DMD: variants seen among roughly 807,000 people sequenced by gnomAD.
DMD encodes dystrophin.
DMD carries 63 observed loss-of-function variants against 330.1 expected under a neutral mutation model. The observed-to-expected ratio is 0.19, with a 90% CI of 0.16 to 0.24. DMD has a LOEUF of 0.24. Among genes scored for constraint, DMD ranks in the 10% least tolerant of loss-of-function variants. DMD has a pLI of 1.00. For missense variants in DMD, 3,344 were observed against 2,684.1 expected (o/e 1.25, Z -5.43); for synonymous variants, 1,223 against 959.8 (o/e 1.27, Z -5.07).
In DMD at chrX:32,649,558, TTAAA is replaced by T. The variant is rs1461038040; in HGVS notation, c.961-4410_961-4407del. On this transcript the variant is annotated intron_variant, in intron 9 of 78. Transcript: ENST00000357033. ...GCAAAACAGCAAGACTCCGTCTCTT[TTAAA>T]AAAAAAAAAAAAAAAAAAAAAGGTG... Among the ~76,000 whole-genome samples the T allele has an allele frequency of 2.7e-4, 20 of 74,507 alleles. 1 individual carries two copies. Among genetic ancestry groups the T allele is most frequent in the African/African-American group, 1.7e-3 (19 of 10,919 alleles). 64.7% of individuals were successfully genotyped at this position (74,507 alleles called of 115,157 possible).
chrX:33,235,121 G>A (rs755075159), intron 1 of DMD, among the ~76,000 whole-genome samples: 1 of 112,008 alleles, frequency 8.9e-6, no homozygotes, highest in South Asian at 3.7e-4. Context: ...TTACGTTAAG[G>A]GATGGAGAAA....
At chrX:31,951,160 T>C (rs1335348517) in intron 45 of DMD, among the ~76,000 whole-genome samples, 6 of 63,788 alleles carry the variant, frequency 9.4e-5, no homozygotes, top group African/African-American at 5.0e-4. Context: ...TATATATATG[T>C]ATATATATAT....
chrX:31,807,281 G>A (rs757414514), intron 50 of DMD, among the ~76,000 whole-genome samples: 9 of 111,627 alleles, frequency 8.1e-5, no homozygotes, highest in Non-Finnish European at 1.3e-4. Flanking sequence ...AGGGAGTCGT[G>A]GTGCCCTTAA....
chrX:32,062,099 G>T (rs987113050), intron 44 of DMD, among the ~76,000 whole-genome samples: 1 of 110,784 alleles, frequency 9.0e-6, no homozygotes, highest in South Asian at 3.8e-4. Flanking sequence ...CACATATTCA[G>T]GGTCATTCAG....
intron 55 of DMD, among the ~76,000 whole-genome samples, chrX:31,549,503 C>T (rs1381535198): frequency 8.9e-6 from 1 of 111,933 alleles, no homozygotes; most frequent in Non-Finnish European, 1.9e-5. Flanking sequence ...TTTAACTCTG[C>T]TACTGTGTAT....
At chrX:31,605,963 C>T (rs1213579771) in intron 55 of DMD, among the ~76,000 whole-genome samples, 2 of 111,048 alleles carry the variant, frequency 1.8e-5, no homozygotes, top group Admixed American at 1.9e-4. Flanking sequence ...TGGCTGTGTC[C>T]CCACCCCACA....
chrX:31,134,788 C>T, intron 76 of DMD, among the ~76,000 whole-genome samples: 1 of 112,476 alleles, frequency 8.9e-6, no homozygotes, highest in East Asian at 2.8e-4. Context: ...ATGATAAATA[C>T]ATGAGATAAT....
chrX:32,739,876 C>G (rs187592561), intron 7 of DMD, among the ~76,000 whole-genome samples: 49 of 110,241 alleles, frequency 4.4e-4, no homozygotes, highest in Admixed American at 1.1e-3. Context: ...GGGTGGATCC[C>G]AACACTCCCT....
At position 32,595,811 on chromosome X, in the gene DMD, T is replaced by G. The variant is rs779579215; in HGVS notation, c.1548A>C (p.Val516=). The change falls in exon 13 of 79, where the codon GTA becomes GTC. Residue 516 remains valine (V), a synonymous_variant. Transcript: ENST00000357033. Reference sequence around the variant, plus strand: ...CGTGATCTCCACTAGATTCATCAACTACCACCACCATGTGAGTGAGAGAAT... The same window carrying G: ...CGTGATCTCCACTAGATTCATCAACGACCACCACCATGTGAGTGAGAGAAT... ...RVNSLTHMVV[V]VDESSGDHAT... 8.3e-7 allele frequency: 1 copy of G among 1,204,936 alleles called. No individual in the cohort carries two copies. Among genetic ancestry groups the G allele is most frequent in the Admixed American group, 2.2e-5 (1 of 46,076 alleles).
chrX:32,755,864 C>A (rs1038000716), intron 7 of DMD, among the ~76,000 whole-genome samples: 39 of 111,941 alleles, frequency 3.5e-4, no homozygotes, highest in African/African-American at 1.2e-3. Flanking sequence ...TTCGCTTGTG[C>A]TATATTAACT....
At chrX:31,803,218 A>C (rs1304947815) in intron 50 of DMD, among the ~76,000 whole-genome samples, 1 of 111,780 alleles carries the variant, frequency 8.9e-6, no homozygotes, top group Non-Finnish European at 1.9e-5. Context: ...GAAAGTAGAA[A>C]AATGGGAGCC....
intron 60 of DMD, among the ~76,000 whole-genome samples, chrX:31,366,470 CAAAAAAAAAAAAA>C (rs34216082): frequency 3.8e-4 from 4 of 10,651 alleles, no homozygotes; most frequent in African/African-American, 2.0e-3. Flanking sequence ...CTCTCTCTCT[CAAAAAAAAAAAAA>C]AAAAAAAAAA....
chrX:32,048,677 T>C (rs996564650), intron 44 of DMD, among the ~76,000 whole-genome samples: 35 of 110,818 alleles, frequency 3.2e-4, no homozygotes, highest in African/African-American at 1.0e-3. Context: ...TTGCCTCCCC[T>C]GCTAAAATGT....
chrX:31,381,462 C>T (rs1272735591), intron 60 of DMD, among the ~76,000 whole-genome samples: 2 of 111,731 alleles, frequency 1.8e-5, no homozygotes, highest in Non-Finnish European at 3.8e-5. Context: ...TTTTCTTCCT[C>T]ACACCTGACG....
At chrX:32,758,443 A>G (rs1490127828) in intron 7 of DMD, among the ~76,000 whole-genome samples, 1 of 111,382 alleles carries the variant, frequency 9.0e-6, no homozygotes, top group African/African-American at 3.3e-5. Context: ...CTTGCCTTCC[A>G]TAACCTTTCA....
At chrX:32,597,563 C>T (rs1418599750) in intron 12 of DMD, among the ~76,000 whole-genome samples, 2 of 111,644 alleles carry the variant, frequency 1.8e-5, no homozygotes, top group African/African-American at 3.3e-5. Context: ...TCAACTGAAC[C>T]CTAGGATAAA....
intron 34 of DMD, among the ~76,000 whole-genome samples, chrX:32,379,553 T>C (rs1265656530): frequency 8.9e-5 from 10 of 111,812 alleles, no homozygotes; most frequent in African/African-American, 3.2e-4. Context: ...ACATTTATTC[T>C]GAAAGAGAAG....
chrX:33,118,238 G>A, intron 1 of DMD, among the ~76,000 whole-genome samples: 1 of 106,561 alleles, frequency 9.4e-6, no homozygotes, highest in Non-Finnish European at 1.9e-5. Context: ...AGCCTCCCGA[G>A]TAGCTGGGAC....
At chrX:32,308,047 T>C (rs1231119509) in intron 42 of DMD, among the ~76,000 whole-genome samples, 1 of 109,955 alleles carries the variant, frequency 9.1e-6, no homozygotes, top group East Asian at 2.9e-4. Flanking sequence ...TAGCTAGTGT[T>C]TTTGCTATTA....
Sources: gnomAD v4.1 joint callset for allele counts (sites outside exome capture counted in the v4.1 genomes callset) on GRCh38, gnomAD v4.1.1 for gene constraint, MANE v1.5 for transcripts, NCBI Gene and HGNC (gene_info 2026-07-23, HGNC 2026-07-21) for gene names.